The following CRPPA variants were observed in gnomAD, a reference collection of about 807,000 sequenced individuals.
The protein encoded by CRPPA is CDP-L-ribitol pyrophosphorylase A.
A neutral mutation model predicts 52.0 loss-of-function variants in CRPPA; 43 were observed. The ratio of observed to expected loss-of-function variants is 0.83; its 90% CI spans 0.65 to 1.07. The LOEUF is 1.07. Ranked by LOEUF, CRPPA falls within the 50% of genes least tolerant of loss-of-function variation. The pLI is 0.00. For missense variants in CRPPA, 629 were observed against 551.7 expected, an observed-to-expected ratio of 1.14 and a Z score of -1.40; for synonymous variants, 250 against 203.5, an observed-to-expected ratio of 1.23 and a Z score of -1.94.
chr7:16,209,759 C>T (rs1313560389), intron 9 of CRPPA, among the ~76,000 whole-genome samples: 1 of 152,086 alleles, frequency 6.6e-6, no homozygotes, highest in Admixed American at 6.5e-5. Context: ...CGCTACTAAA[C>T]AAAATATTCA....
chr7:16,350,104 C>A (rs1397887528), intron 3 of CRPPA, among the ~76,000 whole-genome samples: 3 of 137,938 alleles, frequency 2.2e-5, no homozygotes, highest in Admixed American at 7.5e-5. Context: ...ACGATATTTT[C>A]AAGAACTTAA....
At chr7:16,316,642 G>A (rs28508309) in intron 3 of CRPPA, among the ~76,000 whole-genome samples, 3,227 of 152,070 alleles carry the variant, frequency 0.021, 108 homozygotes, top group African/African-American at 0.072. Context: ...TGGGACCATC[G>A]CTTGAGGCCA....
At chr7:16,093,279 A>G (rs1781872487) in intron 9 of CRPPA, among the ~76,000 whole-genome samples, 1 of 152,208 alleles carries the variant, frequency 6.6e-6, no homozygotes, top group Non-Finnish European at 1.5e-5. Flanking sequence ...TATGATAGAC[A>G]TATCACCCTT....
At chr7:16,413,279 G>A (rs1788112909) in intron 1 of CRPPA, among the ~76,000 whole-genome samples, 2 of 152,178 alleles carry the variant, frequency 1.3e-5, no homozygotes, top group African/African-American at 4.8e-5. Flanking sequence ...CGGTTGTCAG[G>A]CCTCAGCCTA....
chr7:16,304,463 A>G (rs1032487287), intron 4 of CRPPA, among the ~76,000 whole-genome samples: 2 of 152,144 alleles, frequency 1.3e-5, no homozygotes, highest in African/African-American at 4.8e-5. Context: ...CAACATAGTG[A>G]CACCCCGTCT....
intron 6 of CRPPA, chr7:16,269,336 A>AGTAATCAACT (rs1784033687): frequency 6.6e-6 from 1 of 152,166 alleles, no homozygotes; most frequent in South Asian, 2.1e-4. Context: ...TCATGGAAAG[A>AGTAATCAACT]GTAATCAACT....
intron 9 of CRPPA, among the ~76,000 whole-genome samples, chr7:16,154,666 C>T (rs1783139135): frequency 6.6e-6 from 1 of 152,056 alleles, no homozygotes; most frequent in Non-Finnish European, 1.5e-5. Context: ...TACATTTGAT[C>T]TTGTCTTGTT....
At chr7:16,259,801 C>A (rs1583473790) in intron 6 of CRPPA, among the ~76,000 whole-genome samples, 2 of 151,870 alleles carry the variant, frequency 1.3e-5, no homozygotes, top group East Asian at 3.9e-4. Context: ...TTTCATAGTT[C>A]TAAAAATAAT....
intron 1 of CRPPA, among the ~76,000 whole-genome samples, chr7:16,415,268 CA>C (rs1195017129): frequency 6.6e-6 from 1 of 152,154 alleles, no homozygotes; most frequent in Non-Finnish European, 1.5e-5. Context: ...ATGTCTCCTC[CA>C]ACTCCTTGAT....
rs993268212 is a variant in CRPPA, at chr7:16,216,926, G to C, written c.1120-729C>G. 2.9e-3 allele frequency among the ~76,000 whole-genome samples: 446 copies of C among 152,048 alleles called. 3 individuals are homozygous for C. Among genetic ancestry groups the C allele is most frequent in the African/African-American group, 0.01 (427 of 41,556 alleles). ...CAAAGCAGCCGGGAAGCTCCAACTGGGTGGAGCCCACCACAGCTCAAGGAG... is the reference window on the plus strand; with the variant it reads ...CAAAGCAGCCGGGAAGCTCCAACTGCGTGGAGCCCACCACAGCTCAAGGAG... On this transcript the variant is annotated intron_variant, in intron 8 of 9. Transcript: ENST00000407010.
intron 5 of CRPPA, among the ~76,000 whole-genome samples, chr7:16,296,550 A>C (rs536479630): frequency 6.6e-6 from 1 of 152,252 alleles, no homozygotes; most frequent in Admixed American, 6.5e-5. Flanking sequence ...GTTGACCAGG[A>C]ATAACTGTTA....
intron 2 of CRPPA, among the ~76,000 whole-genome samples, chr7:16,377,925 T>C (rs1436312313): frequency 1.3e-5 from 2 of 151,996 alleles, no homozygotes; most frequent in Admixed American, 6.5e-5. Flanking sequence ...GGGGCCCTGA[T>C]CACTCTTTTT....
chr7:16,094,963 A>G (rs938689855), intron 9 of CRPPA, among the ~76,000 whole-genome samples: 2 of 152,120 alleles, frequency 1.3e-5, no homozygotes, highest in African/African-American at 4.8e-5. Flanking sequence ...ATTAGGTAGA[A>G]CTATGGAAAT....
At chr7:16,094,569 A>G (rs1179539233) in intron 9 of CRPPA, among the ~76,000 whole-genome samples, 1 of 54,092 alleles carries the variant, frequency 1.8e-5, no homozygotes. Flanking sequence ...TCACATACAT[A>G]AGTGTGTGTG....
chr7:16,273,992 T>C (rs558619982), intron 6 of CRPPA, among the ~76,000 whole-genome samples: 3 of 152,316 alleles, frequency 2.0e-5, no homozygotes, highest in Admixed American at 1.3e-4. Context: ...GAACTGCCCA[T>C]TTCAGTACTA....
intron 9 of CRPPA, among the ~76,000 whole-genome samples, chr7:16,209,438 A>C (rs1782072587): frequency 1.3e-5 from 2 of 151,838 alleles, no homozygotes; most frequent in African/African-American, 4.8e-5. Context: ...CAATCGGCTA[A>C]TTTTTGTACG....
intron 6 of CRPPA, among the ~76,000 whole-genome samples, chr7:16,273,561 C>T (rs952514101): frequency 1.1e-4 from 17 of 151,922 alleles, no homozygotes; most frequent in Admixed American, 7.2e-4. Flanking sequence ...TTTCCAGCAC[C>T]GCATCCCACT....
intron 2 of CRPPA, among the ~76,000 whole-genome samples, chr7:16,398,068 G>A (rs752807348): frequency 4.6e-5 from 7 of 152,206 alleles, no homozygotes; most frequent in Admixed American, 1.3e-4. Context: ...AATGACCAGG[G>A]CATGATTGAC....
At chr7:16,129,506 T>C (rs1246876070) in intron 9 of CRPPA, among the ~76,000 whole-genome samples, 13 of 152,108 alleles carry the variant, frequency 8.5e-5, no homozygotes, top group Admixed American at 3.3e-4. Context: ...AGCACGTCTT[T>C]GTCCCAATTT....
Sources: allele counts gnomAD v4.1 joint callset (sites outside exome capture counted in the v4.1 genomes callset), GRCh38; gene constraint gnomAD v4.1.1; transcripts MANE v1.5; gene names NCBI Gene and HGNC (gene_info 2026-07-23, HGNC 2026-07-21).